The following SENP1 variants were observed in gnomAD, a reference collection of about 807,000 sequenced individuals.
The protein encoded by SENP1 is sentrin-specific protease 1.
SENP1 carries 21 observed loss-of-function variants against 93.0 expected under a neutral mutation model. That is an observed-to-expected ratio of 0.23 (90% CI 0.16 to 0.33). The LOEUF is 0.33. SENP1 is among the 10% of genes least tolerant of loss of function. SENP1 has a pLI of 1.00. For missense variants in SENP1, 591 were observed against 758.7 expected, an observed-to-expected ratio of 0.78 and a Z score of 2.60; for synonymous variants, 256 against 259.6, an observed-to-expected ratio of 0.99 and a Z score of 0.13.
intron 8 of SENP1, among the ~76,000 whole-genome samples, chr12:48,073,017 G>A (rs1943817951): frequency 1.3e-5 from 2 of 151,704 alleles, no homozygotes; most frequent in African/African-American, 4.8e-5. Flanking sequence ...AGGGAAGGGG[G>A]ACAGGGAAGG....
At chr12:48,098,160 A>G (rs1325528945) in intron 2 of SENP1, 36 bp from the exon 3 acceptor site, 1 of 1,582,878 alleles carries the variant, frequency 6.3e-7, no homozygotes, top group East Asian at 2.3e-5. Flanking sequence ...AAGTCACATA[A>G]TTCTTCAATA....
intron 12 of SENP1, 142 bp from the exon 13 acceptor site, chr12:48,063,983 A>G: frequency 1.2e-6 from 1 of 828,830 alleles, no homozygotes; most frequent in Non-Finnish European, 1.8e-6. Flanking sequence ...GTTTACTTCT[A>G]ACATTTTGGT....
At chr12:48,093,017 T>C (rs958647406) in intron 4 of SENP1, among the ~76,000 whole-genome samples, 1 of 152,108 alleles carries the variant, frequency 6.6e-6, no homozygotes, top group Non-Finnish European at 1.5e-5. Flanking sequence ...ATGAAGCAAA[T>C]GAAGGCACAC....
At chr12:48,095,806 A>G (rs1161687198) in intron 4 of SENP1, among the ~76,000 whole-genome samples, 1 of 152,220 alleles carries the variant, frequency 6.6e-6, no homozygotes, top group Non-Finnish European at 1.5e-5. Flanking sequence ...AGAACAGCCT[A>G]GAGAATGCTG....
chr12:48,065,488 C>T (rs1943239594), intron 11 of SENP1, 108 bp downstream of exon 11: 8 of 723,920 alleles, frequency 1.1e-5, no homozygotes, highest in Non-Finnish European at 1.9e-5. Context: ...TGCTACCATA[C>T]GATCTTGGAA....
chr12:48,094,881 T>C (rs1402862160), intron 4 of SENP1, among the ~76,000 whole-genome samples: 2 of 152,200 alleles, frequency 1.3e-5, no homozygotes, highest in African/African-American at 4.8e-5. Context: ...ATGGAAATAC[T>C]GATGATCTAA....
At chr12:48,097,059 A>G (rs1396945672) in intron 3 of SENP1, among the ~76,000 whole-genome samples, 2 of 152,220 alleles carry the variant, frequency 1.3e-5, no homozygotes, top group Non-Finnish European at 2.9e-5. Flanking sequence ...AATCTAATGA[A>G]ATAATTCAGG....
intron 6 of SENP1, among the ~76,000 whole-genome samples, chr12:48,076,815 TTTA>T (rs1246601463): frequency 1.1e-4 from 17 of 151,850 alleles, no homozygotes; most frequent in Admixed American, 4.6e-4. Flanking sequence ...GCCATTTTTT[TTTA>T]TTATTTTTAG....
chr12:48,045,149 A>C lies in SENP1; in HGVS notation c.*173T>G. ...AGTTTCTTTGCAAAAATAGTATCTGAGATACAAAAGGAAAGGCAGATGTGC... is the reference window on the plus strand; with the variant it reads ...AGTTTCTTTGCAAAAATAGTATCTGCGATACAAAAGGAAAGGCAGATGTGC... On this transcript the variant is annotated 3_prime_UTR_variant, in exon 18 of 18. Coordinates refer to ENST00000549518, the MANE Select transcript of SENP1 (RefSeq NM_001267594.2). 1 of 591,734 alleles carries C rather than the reference A, an allele frequency of 1.7e-6. No homozygotes were observed. The highest frequency in any genetic ancestry group is 3.1e-6 in the Non-Finnish European group (1 of 324,068). The allele number at this position is 591,734 out of a possible 1,614,324, so 36.7% of individuals were successfully genotyped here. A position where few individuals can be genotyped will look rare whatever the true frequency, so the allele number is the denominator to read the frequency against.
chr12:48,088,516 T>G (rs1318089311), intron 5 of SENP1: 1 of 367,192 alleles, frequency 2.7e-6, no homozygotes, highest in Non-Finnish European at 4.9e-6. Context: ...ATTTTCACTT[T>G]AAGATTTGCA....
intron 4 of SENP1, among the ~76,000 whole-genome samples, chr12:48,094,102 C>T (rs1216788197): frequency 6.6e-6 from 1 of 152,192 alleles, no homozygotes; most frequent in African/African-American, 2.4e-5. Context: ...AGATGGGGTG[C>T]AGTGGCTCAC....
At chr12:48,091,486 A>T (rs1241981347) in intron 4 of SENP1, among the ~76,000 whole-genome samples, 1 of 152,070 alleles carries the variant, frequency 6.6e-6, no homozygotes, top group Non-Finnish European at 1.5e-5. Flanking sequence ...CTAACTACTT[A>T]CTATGAAAGT....
chr12:48,090,272 A>C (rs976910100), intron 4 of SENP1, among the ~76,000 whole-genome samples: 1 of 152,228 alleles, frequency 6.6e-6, no homozygotes, highest in Non-Finnish European at 1.5e-5. Context: ...TAACAGTAGA[A>C]ATATTTGTCT....
chr12:48,060,037 A>G (rs12297004), intron 13 of SENP1, among the ~76,000 whole-genome samples: 25,444 of 152,056 alleles, frequency 0.17, 2,477 homozygotes, highest in East Asian at 0.28. Context: ...GACTGGAGGG[A>G]AGCCCCTCTG....
intron 2 of SENP1, among the ~76,000 whole-genome samples, chr12:48,098,401 T>C (rs1945704214): frequency 2.0e-5 from 3 of 151,860 alleles, no homozygotes; most frequent in South Asian, 4.2e-4. Context: ...TCCCAGCACT[T>C]TGGGAGGTTG....
rs181565948 is a variant in SENP1 at position 48,083,028 on chromosome 12, G to A, written c.552+563C>T. On this transcript the variant is annotated intron_variant, in intron 6 of 17. Coordinates refer to ENST00000549518, the MANE Select transcript of SENP1 (RefSeq NM_001267594.2). ...CAAGCAATCCTCCCACCTCAGCCTC[G>A]CCAGTAGCTAGGAGTACAGATATGA... Among the ~76,000 whole-genome samples the A allele has an allele frequency of 1.8e-4, 27 of 151,852 alleles. No homozygotes were observed. In the South Asian group the frequency reaches 3.9e-3, roughly 22 times the overall value.
chr12:48,092,186 G>A, intron 4 of SENP1, among the ~76,000 whole-genome samples: 1 of 152,046 alleles, frequency 6.6e-6, no homozygotes, highest in East Asian at 1.9e-4. Flanking sequence ...GTGAAGGAGG[G>A]GACAGCAGGG....
chr12:48,062,103 T>C (rs999483755), intron 13 of SENP1, among the ~76,000 whole-genome samples: 3 of 152,174 alleles, frequency 2.0e-5, no homozygotes, highest in African/African-American at 7.2e-5. Flanking sequence ...GTAAGGAATC[T>C]CACTGAGGTA....
chr12:48,097,077 G>GA (rs1020724627), intron 3 of SENP1, among the ~76,000 whole-genome samples: 1 of 151,890 alleles, frequency 6.6e-6, no homozygotes, highest in Non-Finnish European at 1.5e-5. Context: ...AGGCTTCAAG[G>GA]AAAAAAACAG....
Sources: gnomAD v4.1 joint callset for allele counts (sites outside exome capture counted in the v4.1 genomes callset) on GRCh38, gnomAD v4.1.1 for gene constraint, MANE v1.5 for transcripts, NCBI Gene and HGNC (gene_info 2026-07-23, HGNC 2026-07-21) for gene names.